FNDC3B: variants seen among roughly 807,000 people sequenced by gnomAD.
FNDC3B encodes fibronectin type III domain containing 3B, also known as fibronectin type III domain-containing protein 3B.
In FNDC3B, 12 loss-of-function variants were observed where a neutral mutation model predicts 151.5. That is an observed-to-expected ratio of 0.08 (90% CI 0.05 to 0.13). The LOEUF (loss-of-function observed/expected upper bound fraction) is 0.13, where lower values mean the gene tolerates loss of function less well. FNDC3B is among the 10% of genes least tolerant of loss of function. The pLI, the probability that FNDC3B is intolerant of heterozygous loss-of-function variation, is 1.00. For synonymous variants in FNDC3B, 528 were observed against 549.0 expected (o/e 0.96, Z 0.54); for missense variants, 1,214 against 1,505.3 (o/e 0.81, Z 3.20).
At chr3:172,201,496 G>C (rs963631775) in intron 3 of FNDC3B, among the ~76,000 whole-genome samples, 2 of 152,194 alleles carry the variant, frequency 1.3e-5, no homozygotes, top group Admixed American at 6.5e-5. Context: ...CTTTTGTTCA[G>C]TGTGACCTCA....
At chr3:172,141,864 T>C (rs1437934483) in intron 3 of FNDC3B, among the ~76,000 whole-genome samples, 1 of 151,744 alleles carries the variant, frequency 6.6e-6, no homozygotes, top group Admixed American at 6.6e-5. Flanking sequence ...AAAAAAAAAC[T>C]TGTTTCCATA....
chr3:172,210,380 G>T (rs535005505), intron 3 of FNDC3B, among the ~76,000 whole-genome samples: 2 of 152,082 alleles, frequency 1.3e-5, no homozygotes, highest in African/African-American at 2.4e-5. Flanking sequence ...TTGAAATGGG[G>T]TCTGTTTCAC....
chr3:172,393,333 C>T (rs901674190), intron 25 of FNDC3B, among the ~76,000 whole-genome samples: 2 of 152,080 alleles, frequency 1.3e-5, no homozygotes, highest in African/African-American at 4.8e-5. Flanking sequence ...GAGGATATAA[C>T]AGTTATATAT....
intron 3 of FNDC3B, among the ~76,000 whole-genome samples, chr3:172,178,817 G>A (rs1301856789): frequency 6.6e-6 from 1 of 152,206 alleles, no homozygotes; most frequent in African/African-American, 2.4e-5. Context: ...TAAAAAGCCT[G>A]TGCCACATTC....
intron 23 of FNDC3B, among the ~76,000 whole-genome samples, chr3:172,366,413 C>T (rs1482297468): frequency 1.3e-5 from 2 of 151,692 alleles, no homozygotes; most frequent in East Asian, 3.9e-4. Context: ...TTATTTAGTT[C>T]TTGAGTAAAA....
chr3:172,290,690 A>C (rs1382193636), intron 7 of FNDC3B, among the ~76,000 whole-genome samples: 2 of 152,244 alleles, frequency 1.3e-5, no homozygotes, highest in Non-Finnish European at 2.9e-5. Context: ...TGTAAGAAGC[A>C]ATCCCTTGAA....
chr3:172,363,284 G>A (rs924425046), intron 23 of FNDC3B, among the ~76,000 whole-genome samples: 1 of 152,162 alleles, frequency 6.6e-6, no homozygotes, highest in African/African-American at 2.4e-5. Flanking sequence ...ATGTACAGAT[G>A]GGGACTGTAC....
intron 3 of FNDC3B, among the ~76,000 whole-genome samples, 153 bp from the exon 4 acceptor site, chr3:172,226,718 C>T (rs1726601189): frequency 1.3e-5 from 2 of 152,120 alleles, no homozygotes. Context: ...TTCATGGTTT[C>T]AGGTTTAGCT....
chr3:172,160,860 GATTTT>G (rs1254332530), intron 3 of FNDC3B, among the ~76,000 whole-genome samples: 2 of 152,022 alleles, frequency 1.3e-5, no homozygotes, highest in African/African-American at 4.8e-5. Context: ...TTTGCCTTTG[GATTTT>G]ATTTTATTTT....
At chr3:172,224,585 C>T (rs1251969775) in intron 3 of FNDC3B, among the ~76,000 whole-genome samples, 1 of 152,152 alleles carries the variant, frequency 6.6e-6, no homozygotes, top group Non-Finnish European at 1.5e-5. Context: ...ACCAGTGTCC[C>T]TGTCCCTTTC....
intron 6 of FNDC3B, among the ~76,000 whole-genome samples, chr3:172,259,859 G>T (rs538921249): frequency 6.6e-6 from 1 of 152,138 alleles, no homozygotes; most frequent in Non-Finnish European, 1.5e-5. Context: ...GTCATGTCAA[G>T]TTAAGAAGTC....
chr3:172,107,984 A>G (rs1355353466), intron 1 of FNDC3B, among the ~76,000 whole-genome samples: 1 of 152,180 alleles, frequency 6.6e-6, no homozygotes, highest in African/African-American at 2.4e-5. Context: ...CTTGGTCAAC[A>G]TAGTGAAACC....
At chr3:172,353,170 G>A in intron 22 of FNDC3B, 87 bp downstream of exon 22, 1 of 1,274,056 alleles carries the variant, frequency 7.8e-7, no homozygotes, top group South Asian at 1.4e-5. Context: ...CCAAGTGGAT[G>A]TCATCTCCCA....
intron 25 of FNDC3B, among the ~76,000 whole-genome samples, chr3:172,381,521 G>GTTTTGTTTTGTTTGTTACAAAACAAA (rs1735435863): frequency 1.3e-5 from 2 of 151,094 alleles, no homozygotes; most frequent in Non-Finnish European, 2.9e-5. Context: ...TGTAGAATAT[G>GTTTTGTTTTGTTTGTTACAAAACAAA]CAGGTTTGTT....
intron 1 of FNDC3B, among the ~76,000 whole-genome samples, chr3:172,086,510 A>G (rs767068807): frequency 6.6e-6 from 1 of 152,198 alleles, no homozygotes; most frequent in Non-Finnish European, 1.5e-5. Context: ...TAGATTGTAC[A>G]ATTAGTCCTT....
chr3:172,188,651 C>T (rs985527250), intron 3 of FNDC3B, among the ~76,000 whole-genome samples: 10 of 151,428 alleles, frequency 6.6e-5, no homozygotes, highest in East Asian at 2.0e-4. Flanking sequence ...GTGATCCGCC[C>T]GCCTCAGCCT....
At chr3:172,182,400 A>G (rs537317116) in intron 3 of FNDC3B, among the ~76,000 whole-genome samples, 4 of 152,284 alleles carry the variant, frequency 2.6e-5, no homozygotes, top group East Asian at 3.9e-4. Flanking sequence ...CTAGACACCA[A>G]CAGAACTTCC....
chr3:172,300,680 G>A (rs1730863583), intron 9 of FNDC3B, among the ~76,000 whole-genome samples: 1 of 152,074 alleles, frequency 6.6e-6, no homozygotes, highest in South Asian at 2.1e-4. Context: ...CTTGCATTTG[G>A]TATTTGACAC....
At position 172,341,143 on chromosome 3, in the gene FNDC3B, C is replaced by G; in HGVS notation, c.1883C>G (p.Ser628Trp). ...ANQWEVAYSG[S>W]ATEYTFTHLK... is the part of the protein sequence containing the mutation. ...CAGTGGGAAGTGGCCTACAGTGGGTCGGCTACCGAATACACCTTCACCCAC... is the reference window on the plus strand; with the variant it reads ...CAGTGGGAAGTGGCCTACAGTGGGTGGGCTACCGAATACACCTTCACCCAC... The change falls in exon 17 of 26, where the codon TCG (serine) becomes TGG (tryptophan). Residue 628 changes from serine (S) to tryptophan (W), a missense_variant. Coordinates refer to ENST00000415807, the MANE Select transcript of FNDC3B (RefSeq NM_022763.4). 1 of 1,613,992 alleles carries G rather than the reference C, an allele frequency of 6.2e-7. No homozygotes were observed. The highest frequency in any genetic ancestry group is 8.5e-7 in the Non-Finnish European group (1 of 1,179,878).
Sources: gnomAD v4.1 joint callset for allele counts (sites outside exome capture counted in the v4.1 genomes callset) on GRCh38, gnomAD v4.1.1 for gene constraint, MANE v1.5 for transcripts, NCBI Gene and HGNC (gene_info 2026-07-23, HGNC 2026-07-21) for gene names.